CCDC102B: variants seen among roughly 807,000 people sequenced by gnomAD.
The protein encoded by CCDC102B is coiled-coil domain-containing protein 102B.
In CCDC102B, 75 loss-of-function variants were observed where a neutral mutation model predicts 57.4. The observed-to-expected ratio is 1.31, with a 90% CI of 1.08 to 1.58. The LOEUF (loss-of-function observed/expected upper bound fraction) is 1.58, where lower values mean the gene tolerates loss of function less well. Ranked by LOEUF, CCDC102B falls within the 40% of genes most tolerant of loss-of-function variation. The pLI is 0.00. For missense variants in CCDC102B, 636 were observed against 582.6 expected (o/e 1.09, Z -0.94); for synonymous variants, 206 against 201.9 (o/e 1.02, Z -0.17).
chr18:69,050,279 C>T (rs1273631085), intron 7 of CCDC102B, among the ~76,000 whole-genome samples: 1 of 152,128 alleles, frequency 6.6e-6, no homozygotes, highest in African/African-American at 2.4e-5. Flanking sequence ...CGCGTATCAC[C>T]CTTGTTGAAA....
intron 2 of CCDC102B, among the ~76,000 whole-genome samples, chr18:68,765,315 AGG>A (rs1491198722): frequency 0.14 from 9,329 of 69,056 alleles, 365 homozygotes; most frequent in East Asian, 0.27. Context: ...GAAGGAAGGA[AGG>A]AAGGAAGGAA....
At chr18:69,049,256 G>T (rs2052643798) in intron 7 of CCDC102B, among the ~76,000 whole-genome samples, 1 of 151,944 alleles carries the variant, frequency 6.6e-6, no homozygotes, top group Admixed American at 6.6e-5. Context: ...TGTTCTCATT[G>T]TTCAACTCCA....
At chr18:68,764,582 C>T (rs929574484) in intron 2 of CCDC102B, among the ~76,000 whole-genome samples, 45 of 152,076 alleles carry the variant, frequency 3.0e-4, no homozygotes, top group African/African-American at 1.1e-3. Context: ...GAGGCACCAC[C>T]AGGCTAGCAA....
intron 6 of CCDC102B, among the ~76,000 whole-genome samples, chr18:68,983,415 G>A (rs950979082): frequency 6.6e-6 from 1 of 151,896 alleles, no homozygotes; most frequent in African/African-American, 2.4e-5. Context: ...CAACTGCAGG[G>A]AGGGTTTCCC....
chr18:68,743,948 G>T (rs967749031), intron 2 of CCDC102B, among the ~76,000 whole-genome samples: 1 of 152,132 alleles, frequency 6.6e-6, no homozygotes, highest in African/African-American at 2.4e-5. Context: ...TGTCCTACAA[G>T]GTTAAGACAT....
At chr18:69,041,882 T>C (rs6566408) in intron 7 of CCDC102B, among the ~76,000 whole-genome samples, 16,336 of 152,028 alleles carry the variant, frequency 0.11, 1,773 homozygotes, top group African/African-American at 0.27. Context: ...GGTCAGTTTC[T>C]GTTACATCAT....
At position 68,917,108 on chromosome 18, in the gene CCDC102B, G is replaced by A. The variant is rs549114765; in HGVS notation, c.1263+19680G>A. On this transcript the variant is annotated intron_variant, in intron 6 of 7. Coordinates refer to ENST00000360242, the MANE Select transcript of CCDC102B (RefSeq NM_024781.3). ...TCAACCTCCCATTGTTCATAGCTTT[G>A]TGCTCTTTTGTTTGGTTAACGTTTG... is the stretch of plus-strand genomic sequence containing the variant. Among the ~76,000 whole-genome samples the A allele has an allele frequency of 2.6e-5, 4 of 152,308 alleles. No individual in the cohort carries two copies. The South Asian group carries it at 8.3e-4, about 32-fold the overall frequency.
intron 6 of CCDC102B, among the ~76,000 whole-genome samples, chr18:68,916,450 C>A (rs2041077098): frequency 6.6e-6 from 1 of 152,192 alleles, no homozygotes; most frequent in Non-Finnish European, 1.5e-5. Context: ...TCCTTGTTGC[C>A]TCTTTTCCTG....
At chr18:68,872,622 T>C (rs1280075900) in intron 4 of CCDC102B, among the ~76,000 whole-genome samples, 3 of 152,058 alleles carry the variant, frequency 2.0e-5, no homozygotes, top group Non-Finnish European at 4.4e-5. Context: ...ATTATTCTGA[T>C]CAAAAACCAC....
intron 7 of CCDC102B, among the ~76,000 whole-genome samples, chr18:69,029,952 T>C (rs568561598): frequency 6.6e-6 from 1 of 152,342 alleles, no homozygotes; most frequent in East Asian, 1.9e-4. Context: ...TGAGTTTCCT[T>C]TGACTTTTCA....
intron 1 of CCDC102B, among the ~76,000 whole-genome samples, chr18:68,819,799 G>A (rs1188824799): frequency 1.3e-5 from 2 of 151,854 alleles, no homozygotes; most frequent in East Asian, 3.9e-4. Context: ...CTATCTTCTG[G>A]TACATCCCTA....
chr18:69,018,990 C>T (rs931500961), intron 7 of CCDC102B, among the ~76,000 whole-genome samples: 1 of 152,148 alleles, frequency 6.6e-6, no homozygotes, highest in South Asian at 2.1e-4. Flanking sequence ...GTTGAAGGAA[C>T]TGTCATTTGC....
At chr18:68,940,694 C>T (rs1334481269) in intron 6 of CCDC102B, among the ~76,000 whole-genome samples, 1 of 151,872 alleles carries the variant, frequency 6.6e-6, no homozygotes, top group Non-Finnish European at 1.5e-5. Flanking sequence ...GTAATTTTAG[C>T]AGCAGTGTGC....
Position 68,952,933 on chromosome 18 carries a change from G to A in CCDC102B, c.1263+55505G>A, listed in dbSNP as rs368343939. 1.8e-3 allele frequency among the ~76,000 whole-genome samples: 279 copies of A among 152,020 alleles called. 1 individual carries two copies. The highest frequency in any genetic ancestry group is 6.2e-3 in the African/African-American group (256 of 41,448). On this transcript the variant is annotated intron_variant, in intron 6 of 7. Coordinates refer to ENST00000360242, the MANE Select transcript of CCDC102B (RefSeq NM_024781.3). The stretch of plus-strand genomic sequence containing the variant: ...GTACATGTATACTACACACATGGGG[G>A]GTAGTGTACTGTGTTTCAACAAGTA...
rs1250714006 is a variant in CCDC102B, at chr18:68,857,283, T to TA, written c.936+10863dup. Among the ~76,000 whole-genome samples the TA allele has an allele frequency of 2.9e-4, 3 of 10,448 alleles. 1 individual carries two copies. Among genetic ancestry groups the TA allele is most frequent in the Non-Finnish European group, 7.1e-4 (3 of 4,232 alleles). The allele number at this position is 10,448 out of a possible 152,430, so 6.9% of individuals were successfully genotyped here. ...AATATATAAATATATATATAATATA[T>TA]ATTTATATATTATATATATAATATA... On this transcript the variant is annotated intron_variant, in intron 4 of 7. Transcript: ENST00000360242.
chr18:68,962,907 C>A (rs1186218616), intron 6 of CCDC102B, among the ~76,000 whole-genome samples: 1 of 151,996 alleles, frequency 6.6e-6, no homozygotes, highest in Non-Finnish European at 1.5e-5. Context: ...ACGACTCCTT[C>A]TTTCCAATTA....
chr18:68,952,295 C>G (rs1599741561), intron 6 of CCDC102B, among the ~76,000 whole-genome samples: 1 of 151,842 alleles, frequency 6.6e-6, no homozygotes, highest in Non-Finnish European at 1.5e-5. Context: ...TCACAACTAC[C>G]TTAGACTTCA....
chr18:68,744,095 G>T (rs1394550401), intron 2 of CCDC102B, among the ~76,000 whole-genome samples: 5 of 152,012 alleles, frequency 3.3e-5, no homozygotes, highest in Non-Finnish European at 7.4e-5. Context: ...TATATTGTTG[G>T]AATTTTATTA....
chr18:69,048,451 A>G (rs896835649), intron 7 of CCDC102B, among the ~76,000 whole-genome samples: 10 of 152,088 alleles, frequency 6.6e-5, no homozygotes, highest in Admixed American at 5.9e-4. Context: ...GAAAAGTGAA[A>G]TCAACAAATA....
Sources: allele counts gnomAD v4.1 joint callset (sites outside exome capture counted in the v4.1 genomes callset), GRCh38; gene constraint gnomAD v4.1.1; transcripts MANE v1.5; gene names NCBI Gene and HGNC (gene_info 2026-07-23, HGNC 2026-07-21).